Variants in SDCBP2 observed in about 807,000 individuals in gnomAD.
The protein encoded by SDCBP2 is syndecan binding protein 2, also known as syntenin-2.
In SDCBP2, 28 loss-of-function variants were observed where a neutral mutation model predicts 30.7. That is an observed-to-expected ratio of 0.91 (90% CI 0.68 to 1.25). SDCBP2 has a LOEUF of 1.25. Among genes scored for constraint, SDCBP2 ranks in the 50% most tolerant of loss-of-function variants. The pLI is 0.00. For synonymous variants in SDCBP2, 166 were observed against 157.3 expected (o/e 1.06, Z -0.41); for missense variants, 399 against 379.0 (o/e 1.05, Z -0.44).
intron 1 of SDCBP2, among the ~76,000 whole-genome samples, chr20:1,326,532 AG>A (rs1424648011): frequency 6.6e-6 from 1 of 152,230 alleles, no homozygotes; most frequent in African/African-American, 2.4e-5. Flanking sequence ...CTCTGTCTTA[AG>A]AGTCATTCAT....
Position 1,313,736 on chromosome 20 carries a change from G to A in SDCBP2, c.226-238C>T. ...GGAAAACGGGGAGGGAAGGGGCGAGGATACAGGAAGAGGCCCTTCATTTCC... is the reference window on the plus strand; with the variant it reads ...GGAAAACGGGGAGGGAAGGGGCGAGAATACAGGAAGAGGCCCTTCATTTCC... On this transcript the variant is annotated intron_variant, in intron 4 of 8. Transcript: ENST00000360779. This position sits in a 1 kb window ranked among gnomAD's most constrained non-coding sequence, Gnocchi z 5.2. The A allele has an allele frequency of 2.7e-6, 3 of 1,110,310 alleles. No individual in the cohort carries two copies. Among genetic ancestry groups the A allele is most frequent in the East Asian group, 3.2e-5 (1 of 30,882 alleles). 68.8% of individuals were successfully genotyped at this position (1,110,310 alleles called of 1,614,324 possible).
At chr20:1,325,447 C>A (rs964424017) in intron 1 of SDCBP2, 5 of 152,238 alleles carry the variant, frequency 3.3e-5, no homozygotes, top group East Asian at 1.9e-4. Context: ...GCCTCCTTGC[C>A]GCTTGCGTTA....
At position 1,311,876 on chromosome 20, in the gene SDCBP2, T is replaced by TGCTCAGA. The variant is rs377444426; in HGVS notation, c.732+454_732+460dup. ...AGCACCTGCTATGTGCCTGGCACTG[T>TGCTCAGA]GCTCAGAGCTCTAGGTACACTGTCT... On this transcript the variant is annotated intron_variant, in intron 7 of 8. Transcript: ENST00000360779. Among the ~76,000 whole-genome samples, 332 of 149,894 alleles carry TGCTCAGA rather than the reference T, an allele frequency of 2.2e-3. 1 individual carries two copies. The highest frequency in any genetic ancestry group is 7.9e-3 in the African/African-American group (321 of 40,642).
chr20:1,325,646 A>T (rs1430506892), intron 1 of SDCBP2: 1 of 152,122 alleles, frequency 6.6e-6, no homozygotes, highest in Non-Finnish European at 1.5e-5. Flanking sequence ...TCGGAACACC[A>T]TTTGTAGCCT....
chr20:1,316,534 C>T (rs762791375), intron 4 of SDCBP2, among the ~76,000 whole-genome samples: 23 of 152,128 alleles, frequency 1.5e-4, no homozygotes, highest in Non-Finnish European at 3.2e-4. Context: ...GGGCTACAGG[C>T]ACAAGCCACC....
At position 1,310,745 on chromosome 20, in the gene SDCBP2, G is replaced by A. The variant is rs545458458; in HGVS notation, c.824+55C>T. On this transcript the variant is annotated intron_variant, in intron 8 of 8. Transcript: ENST00000360779. ...CCAGGTGCACCTGGGAGGCCGGGAGGTGAAGGGGATGGCAGAGGAGGGGTG... is the reference window on the plus strand; with the variant it reads ...CCAGGTGCACCTGGGAGGCCGGGAGATGAAGGGGATGGCAGAGGAGGGGTG... 2.3e-4 allele frequency: 337 copies of A among 1,482,780 alleles called. 5 individuals are homozygous for A. In the South Asian group the frequency reaches 3.9e-3, roughly 17 times the overall value. The allele number at this position is 1,482,780 out of a possible 1,614,324, so 91.9% of individuals were successfully genotyped here. A position where few individuals can be genotyped will look rare whatever the true frequency, so the allele number is the denominator to read the frequency against.
intron 7 of SDCBP2, among the ~76,000 whole-genome samples, chr20:1,311,861 A>ATGTGCC (rs1265172445): frequency 1.3e-5 from 2 of 149,442 alleles, no homozygotes; most frequent in Non-Finnish European, 3.0e-5. Flanking sequence ...AGCACCTGCT[A>ATGTGCC]TGTGCCTGGC....
chr20:1,314,488 C>CAAAAAAAAAA (rs57936330), intron 4 of SDCBP2, among the ~76,000 whole-genome samples: 16 of 53,954 alleles, frequency 3.0e-4, no homozygotes, highest in Non-Finnish European at 3.7e-4. Flanking sequence ...GACTCCACCT[C>CAAAAAAAAAA]AAAAAAAAAA....
chr20:1,313,323 C>T lies in SDCBP2; in HGVS notation c.384+17G>A. On this transcript the variant is annotated intron_variant, in intron 5 of 8. Coordinates refer to ENST00000360779, the MANE Select transcript of SDCBP2 (RefSeq NM_080489.5). This position sits in a 1 kb window ranked among gnomAD's most constrained non-coding sequence, Gnocchi z 5.2. The stretch of plus-strand genomic sequence containing the variant: ...TGCAGCTCGAGCTCCTCTTCCCACC[C>T]AGCCCCCGCGCCCTACCTGGTCGAC... 5 of 1,608,668 alleles carry T rather than the reference C, an allele frequency of 3.1e-6. No individual in the cohort carries two copies. The highest frequency in any genetic ancestry group is 3.4e-6 in the Non-Finnish European group (4 of 1,178,906).
chr20:1,314,773 A>G (rs2088751111), intron 4 of SDCBP2, among the ~76,000 whole-genome samples: 1 of 152,072 alleles, frequency 6.6e-6, no homozygotes, highest in Non-Finnish European at 1.5e-5. Flanking sequence ...AAACAAGAAC[A>G]ACAAAAAGAA....
chr20:1,320,728 C>A lies in SDCBP2; in HGVS notation c.-19-293G>T. 4.1e-6 allele frequency: 1 copy of A among 245,144 alleles called. No homozygotes were observed. The allele number at this position is 245,144 out of a possible 1,614,324, so 15.2% of individuals were successfully genotyped here. On this transcript the variant is annotated intron_variant, in intron 1 of 8. Coordinates refer to ENST00000360779, the MANE Select transcript of SDCBP2 (RefSeq NM_080489.5). This position sits in a 1 kb window ranked among gnomAD's most constrained non-coding sequence, Gnocchi z 4.7. The stretch of plus-strand genomic sequence containing the variant: ...CACAAACTGTAGCAGAACTTAGACA[C>A]TCAACAGGGCACTGCTCCAGAGGGA...
At chr20:1,328,333 G>T (rs942179149) in intron 1 of SDCBP2, among the ~76,000 whole-genome samples, 23 of 152,134 alleles carry the variant, frequency 1.5e-4, no homozygotes, top group Admixed American at 1.5e-3. Flanking sequence ...ATTTTGACAG[G>T]CCTCCTCTGG....
At position 1,320,389 on chromosome 20, in the gene SDCBP2, C is replaced by T. The variant is rs757998968; in HGVS notation, c.28G>A (p.Asp10Asn). The change falls in exon 2 of 9, where the codon GAC becomes AAC. Residue 10 changes from aspartate (D) to asparagine (N), a missense_variant. By Grantham distance (23) the Asp-to-Asn change is conservative. Coordinates refer to ENST00000360779, the MANE Select transcript of SDCBP2 (RefSeq NM_080489.5). The surrounding 1 kb of genome is among the most constrained non-coding windows in gnomAD (Gnocchi z 4.7). MSSLYPSLE[D>N]LKVDQAIQAQ... Reference sequence around the variant, plus strand: ...TGAATGGCTTGGTCCACTTTTAGGTCCTCTAGAGATGGGTACAGGGATGAC... The same window carrying T: ...TGAATGGCTTGGTCCACTTTTAGGTTCTCTAGAGATGGGTACAGGGATGAC... The T allele has an allele frequency of 2.5e-5, 40 of 1,613,918 alleles. No homozygotes were observed. The highest frequency in any genetic ancestry group is 3.4e-5 in the Non-Finnish European group (40 of 1,179,934).
At position 1,313,685 on chromosome 20, in the gene SDCBP2, T is replaced by C. The variant is rs1049153237; in HGVS notation, c.226-187A>G. The C allele has an allele frequency of 1.5e-6, 2 of 1,365,670 alleles. No homozygotes were observed. The highest frequency in any genetic ancestry group is 1.9e-6 in the Non-Finnish European group (2 of 1,060,670). The allele number at this position is 1,365,670 out of a possible 1,614,324, so 84.6% of individuals were successfully genotyped here. On this transcript the variant is annotated intron_variant, in intron 4 of 8. Transcript: ENST00000360779. The surrounding 1 kb of genome is among the most constrained non-coding windows in gnomAD (Gnocchi z 5.2). ...GGCTCCACGCGGCCACTAGGGGGCG[T>C]CAAAGTCCATGCCCTTAAAAAGCCA... is the stretch of plus-strand genomic sequence containing the variant.
rs981223105 is a variant in SDCBP2, at chr20:1,313,339, C to T, written c.384+1G>A. ...CTTCCCACCCAGCCCCCGCGCCCTACCTGGTCGACCTTCCGCAGCCTCAGC... is the reference window on the plus strand; with the variant it reads ...CTTCCCACCCAGCCCCCGCGCCCTATCTGGTCGACCTTCCGCAGCCTCAGC... On this transcript the variant is annotated splice_donor_variant, in intron 5 of 8. Transcript: ENST00000360779. LOFTEE classifies it high-confidence loss of function. The surrounding 1 kb of genome is among the most constrained non-coding windows in gnomAD (Gnocchi z 5.2). 3 of 1,610,988 alleles carry T rather than the reference C, an allele frequency of 1.9e-6. No homozygotes were observed. The highest frequency in any genetic ancestry group is 1.1e-5 in the South Asian group (1 of 90,760).
In SDCBP2 at chr20:1,324,205, C is replaced by G. The variant is rs1186974732; in HGVS notation, c.-19-3770G>C. ...CTGCCCCTGTTGCCAAGCTATTTAT[C>G]AAATTATGTGATTAATATCTGGGTA... On this transcript the variant is annotated intron_variant, in intron 1 of 8. Coordinates refer to ENST00000360779, the MANE Select transcript of SDCBP2 (RefSeq NM_080489.5). The surrounding 1 kb of genome is among the most constrained non-coding windows in gnomAD (Gnocchi z 4.7). 1 of 152,174 alleles carries G rather than the reference C, an allele frequency of 6.6e-6. No individual in the cohort carries two copies. The highest frequency in any genetic ancestry group is 2.4e-5 in the African/African-American group (1 of 41,430). 9.4% of individuals were successfully genotyped at this position (152,174 alleles called of 1,614,324 possible).
At chr20:1,310,972 G>C (rs139629982) in intron 7 of SDCBP2, 81 bp from the exon 8 acceptor site, 1 of 1,002,532 alleles carries the variant, frequency 1.0e-6, no homozygotes, top group Non-Finnish European at 1.5e-6. Flanking sequence ...GGAGGGATCA[G>C]CATGGCCACT....
chr20:1,312,403 G>T lies in SDCBP2; in HGVS notation c.666C>A (p.Ala222=), dbSNP rs141748511. Residue 222 remains alanine (A), a synonymous_variant, in exon 7 of 9, where the codon GCC becomes GCA. Coordinates refer to ENST00000360779, the MANE Select transcript of SDCBP2 (RefSeq NM_080489.5). ...AGTGGTTGGTGAGGAGCCCGTTGCG[G>T]GCCGCAGAACTCCCTTTGACCAGAG... ...IVSLVKGSSA[A]RNGLLTNHYV... is the part of the protein sequence containing the mutation. 1.2e-6 allele frequency: 2 copies of T among 1,613,706 alleles called. No individual in the cohort carries two copies. The highest frequency in any genetic ancestry group is 1.7e-5 in the Admixed American group (1 of 59,942).
intron 1 of SDCBP2, among the ~76,000 whole-genome samples, chr20:1,327,727 CTG>C (rs2088950251): frequency 6.6e-6 from 1 of 152,212 alleles, no homozygotes; most frequent in South Asian, 2.1e-4. Context: ...TGTCTGGAGA[CTG>C]AAAGATTTTT....
Sources: allele counts gnomAD v4.1 joint callset (sites outside exome capture counted in the v4.1 genomes callset), GRCh38; gene constraint gnomAD v4.1.1; non-coding constraint Gnocchi (gnomAD v3.1); transcripts MANE v1.5; gene names NCBI Gene and HGNC (gene_info 2026-07-23, HGNC 2026-07-21).